Variants in PYROXD1 observed in about 807,000 individuals in gnomAD.
The protein encoded by PYROXD1 is tRNA ligase complex-associated NAD(P)H dehydrogenase PYROXD1.
In PYROXD1, 42 loss-of-function variants were observed where a neutral mutation model predicts 62.0. That is an observed-to-expected ratio of 0.68 (90% CI 0.53 to 0.88). The LOEUF is 0.88. Ranked by LOEUF, PYROXD1 falls within the 40% of genes least tolerant of loss-of-function variation. PYROXD1 has a pLI of 0.00. For synonymous variants in PYROXD1, 170 were observed against 206.4 expected (o/e 0.82, Z 1.51); for missense variants, 493 against 604.8 (o/e 0.82, Z 1.94).
chr12:21,464,883 T>C (rs1454402916), intron 10 of PYROXD1, among the ~76,000 whole-genome samples: 4 of 152,146 alleles, frequency 2.6e-5, no homozygotes, highest in Non-Finnish European at 5.9e-5. Context: ...TGTGTTCTCA[T>C]TGTTCAGTTC....
In PYROXD1 at chr12:21,467,493, A is replaced by G. The variant is rs1189446577; in HGVS notation, c.1129A>G (p.Thr377Ala). 6.2e-7 allele frequency: 1 copy of G among 1,604,618 alleles called. No homozygotes were observed. The highest frequency in any genetic ancestry group is 8.5e-7 in the Non-Finnish European group (1 of 1,176,624). ...SPVWQQMRLW[T>A]QARQMGWYAA... ...TTCATCATTTCAGATGAGGCTGTGG[A>G]CCCAGGCTAGACAGATGGGATGGTA... Residue 377 changes from threonine to alanine, a missense_variant, in exon 11 of 12, where the codon ACC becomes GCC. Around this residue, in one of 2 missense-constraint regions of PYROXD1, gnomAD observed 329 missense variants for 446.6 expected, o/e 0.74. Transcript: ENST00000240651.
intron 4 of PYROXD1, among the ~76,000 whole-genome samples, chr12:21,450,850 C>T (rs1942483878): frequency 6.6e-6 from 1 of 152,104 alleles, no homozygotes; most frequent in Non-Finnish European, 1.5e-5. Flanking sequence ...TCATTGAATC[C>T]TCATGATAAT....
At chr12:21,455,314 T>C (rs1942575640) in intron 6 of PYROXD1, 22 bp downstream of exon 6, 4 of 1,386,786 alleles carry the variant, frequency 2.9e-6, no homozygotes, top group Non-Finnish European at 3.8e-6. Context: ...ACCTAGCTCA[T>C]TAATTCTCAT....
intron 7 of PYROXD1, 52 bp from the exon 8 acceptor site, chr12:21,460,973 C>T (rs1020552599): frequency 1.1e-5 from 12 of 1,141,924 alleles, no homozygotes; most frequent in South Asian, 4.7e-5. Flanking sequence ...ATTAGTAACC[C>T]GGGTTATTCT....
intron 7 of PYROXD1, among the ~76,000 whole-genome samples, chr12:21,456,525 C>T (rs1449317755): frequency 1.3e-5 from 2 of 152,120 alleles, no homozygotes; most frequent in Admixed American, 6.5e-5. Flanking sequence ...ATGCACATAA[C>T]GTTAATTTAA....
chr12:21,453,957 G>T (rs923856390), intron 5 of PYROXD1, among the ~76,000 whole-genome samples: 4 of 151,804 alleles, frequency 2.6e-5, no homozygotes, highest in African/African-American at 9.7e-5. Context: ...TCCACTTTCC[G>T]CTGGTCAGTA....
At chr12:21,452,319 A>G (rs1300548569) in intron 5 of PYROXD1, among the ~76,000 whole-genome samples, 165 bp downstream of exon 5, 2 of 152,082 alleles carry the variant, frequency 1.3e-5, no homozygotes, top group African/African-American at 2.4e-5. Flanking sequence ...TTTCAAGGGG[A>G]AAAATCCACC....
rs545691420 is a variant in PYROXD1 at position 21,458,407 on chromosome 12, CAAG to C, written c.750+2317_750+2319del. Among the ~76,000 whole-genome samples, 499 of 152,300 alleles carry C rather than the reference CAAG, an allele frequency of 3.3e-3. 2 individuals carry two copies. Among genetic ancestry groups the C allele is most frequent in the Non-Finnish European group, 4.1e-3 (276 of 68,038 alleles). On this transcript the variant is annotated intron_variant, in intron 7 of 11. Transcript: ENST00000240651. ...ACCACTAAAACTTTCTCCATGTCAG[CAAG>C]AAGACTGTTTCGCTTTCTCATCATT...
chr12:21,467,450 G>T (rs752112901), intron 10 of PYROXD1, 31 bp from the exon 11 acceptor site: 1 of 1,566,952 alleles, frequency 6.4e-7, no homozygotes, highest in Non-Finnish European at 8.6e-7. Context: ...CATGAAAAAT[G>T]ACATTGTGTA....
intron 3 of PYROXD1, among the ~76,000 whole-genome samples, chr12:21,449,090 T>C (rs952681598): frequency 6.6e-6 from 1 of 152,150 alleles, no homozygotes; most frequent in Admixed American, 6.5e-5. Context: ...ATAATAGATA[T>C]GAAGGTAGGA....
chr12:21,449,251 A>ATGTTG (rs1488089853), intron 3 of PYROXD1, among the ~76,000 whole-genome samples: 10 of 152,326 alleles, frequency 6.6e-5, no homozygotes, highest in Non-Finnish European at 1.5e-4. Flanking sequence ...CTTTTCAACC[A>ATGTTG]ACATGGGATT....
At chr12:21,447,065 G>A (rs1462232210) in intron 3 of PYROXD1, among the ~76,000 whole-genome samples, 1 of 152,166 alleles carries the variant, frequency 6.6e-6, no homozygotes, top group Non-Finnish European at 1.5e-5. Flanking sequence ...CTTTACATGA[G>A]AATGAAGAAG....
intron 4 of PYROXD1, among the ~76,000 whole-genome samples, chr12:21,451,324 G>T (rs1489821422): frequency 1.3e-5 from 2 of 151,538 alleles, no homozygotes; most frequent in African/African-American, 4.9e-5. Flanking sequence ...CATGTGCCAT[G>T]TTGGTGTGCT....
chr12:21,460,163 C>T (rs560845275), intron 7 of PYROXD1, among the ~76,000 whole-genome samples: 3 of 152,224 alleles, frequency 2.0e-5, no homozygotes, highest in Non-Finnish European at 4.4e-5. Context: ...GGGGAGCTGG[C>T]TGCACGGTGT....
At chr12:21,447,093 T>C (rs932359501) in intron 3 of PYROXD1, among the ~76,000 whole-genome samples, 1 of 152,068 alleles carries the variant, frequency 6.6e-6, no homozygotes, top group Non-Finnish European at 1.5e-5. Context: ...CAGGAAAGGA[T>C]GTTGTTAGAT....
rs1942590395 is a variant in PYROXD1 at position 21,456,047 on chromosome 12, A to T, written c.702A>T (p.Ala234=). The T allele has an allele frequency of 6.2e-7, 1 of 1,612,010 alleles. No individual in the cohort carries two copies. ...CTAAAGCAGATAATGTAGGAAGTGCATTGGGACCAGATTGGCATGAAGGCT... is the reference window on the plus strand; with the variant it reads ...CTAAAGCAGATAATGTAGGAAGTGCTTTGGGACCAGATTGGCATGAAGGCT... ...SKSKADNVGS[A]LGPDWHEGLN... The change falls in exon 7 of 12, where the codon GCA becomes GCT. Residue 234 remains alanine (A), a synonymous_variant. Transcript: ENST00000240651.
chr12:21,449,168 G>C (rs1299002284), intron 3 of PYROXD1, among the ~76,000 whole-genome samples: 1 of 152,088 alleles, frequency 6.6e-6, no homozygotes, highest in African/African-American at 2.4e-5. Context: ...ATCAAGGCCT[G>C]TCACAGGTAT....
intron 2 of PYROXD1, among the ~76,000 whole-genome samples, chr12:21,444,875 G>A (rs917543718): frequency 6.6e-6 from 1 of 152,184 alleles, no homozygotes; most frequent in African/African-American, 2.4e-5. Flanking sequence ...GGAAGTAAAG[G>A]ATTTAGGGAA....
chr12:21,467,223 T>G, intron 10 of PYROXD1: 1 of 321,322 alleles, frequency 3.1e-6, no homozygotes, highest in Non-Finnish European at 5.6e-6. Context: ...CTTAATATAG[T>G]TTCATAATAT....
Sources: gnomAD v4.1 joint callset for allele counts (sites outside exome capture counted in the v4.1 genomes callset) on GRCh38, gnomAD v4.1.1 for gene constraint, gnomAD v4.1.1 regional missense constraint, MANE v1.5 for transcripts, NCBI Gene and HGNC (gene_info 2026-07-23, HGNC 2026-07-21) for gene names.